Variants in USP8 observed in about 807,000 individuals in gnomAD.
USP8 encodes the protein ubiquitin carboxyl-terminal hydrolase 8.
In USP8, 27 loss-of-function variants were observed where a neutral mutation model predicts 130.0. The observed-to-expected ratio is 0.21, with a 90% CI of 0.15 to 0.29. USP8 has a LOEUF of 0.29. USP8 is among the 10% of genes least tolerant of loss of function. USP8 has a pLI of 1.00. For synonymous variants in USP8, 392 were observed against 444.1 expected, an observed-to-expected ratio of 0.88 and a Z score of 1.48; for missense variants, 1,029 against 1,312.2, an observed-to-expected ratio of 0.78 and a Z score of 3.33.
intron 1 of USP8, 166 bp downstream of exon 1, chr15:50,424,680 G>A (rs551897722): frequency 2.5e-6 from 1 of 395,042 alleles, no homozygotes. Context: ...GGAGAGGAAA[G>A]GCCCAACCTT....
At chr15:50,437,977 T>G (rs1254375542) in intron 1 of USP8, among the ~76,000 whole-genome samples, 1 of 152,078 alleles carries the variant, frequency 6.6e-6, no homozygotes, top group Non-Finnish European at 1.5e-5. Context: ...CTGGAGCAAG[T>G]ATAGATAGAA....
intron 12 of USP8, among the ~76,000 whole-genome samples, chr15:50,485,094 A>G (rs1398917297): frequency 6.6e-6 from 1 of 152,164 alleles, no homozygotes; most frequent in Non-Finnish European, 1.5e-5. Context: ...TAACCAGTGC[A>G]CCTAAAAATG....
At chr15:50,496,896 C>T in intron 17 of USP8, 193 bp from the exon 18 acceptor site, 1 of 627,048 alleles carries the variant, frequency 1.6e-6, no homozygotes, top group Non-Finnish European at 2.6e-6. Flanking sequence ...GTAGCACTCA[C>T]CACACTCTGT....
At chr15:50,475,101 T>TC (rs1230207436) in intron 8 of USP8, among the ~76,000 whole-genome samples, 1 of 151,814 alleles carries the variant, frequency 6.6e-6, no homozygotes, top group East Asian at 1.9e-4. Flanking sequence ...AGAACAAAAG[T>TC]CCATCTCAAA....
intron 13 of USP8, 126 bp from the exon 14 acceptor site, chr15:50,490,137 C>T (rs918316664): frequency 1.5e-5 from 16 of 1,103,280 alleles, no homozygotes; most frequent in African/African-American, 1.3e-4. Flanking sequence ...TGAAGTTTAT[C>T]GCCATTTTAT....
intron 1 of USP8, among the ~76,000 whole-genome samples, chr15:50,430,863 G>A (rs1309296098): frequency 1.3e-5 from 2 of 152,122 alleles, no homozygotes; most frequent in Non-Finnish European, 2.9e-5. Flanking sequence ...TTCTTGTTGG[G>A]GGTAATTTTG....
chr15:50,484,428 T>C, intron 12 of USP8, 67 bp downstream of exon 12: 1 of 1,232,396 alleles, frequency 8.1e-7, no homozygotes. Context: ...TATGTGATTA[T>C]CTTACCACAC....
intron 11 of USP8, among the ~76,000 whole-genome samples, chr15:50,483,797 A>G (rs1482228611): frequency 6.6e-6 from 1 of 151,568 alleles, no homozygotes; most frequent in Admixed American, 6.6e-5. Flanking sequence ...CGGTCTCCAA[A>G]AAAAAAAAAA....
chr15:50,502,331 G>T lies in USP8; in HGVS notation c.*3243G>T, dbSNP rs1011118338. 1 of 151,836 alleles carries T rather than the reference G, an allele frequency of 6.6e-6. No individual in the cohort carries two copies. Among genetic ancestry groups the T allele is most frequent in the Non-Finnish European group, 1.5e-5 (1 of 68,078 alleles). The allele number at this position is 151,836 out of a possible 1,614,324, so 9.4% of individuals were successfully genotyped here. A position where few individuals can be genotyped will look rare whatever the true frequency, so the allele number is the denominator to read the frequency against. ...TCACTGTGTTAGCCAGGATGGTCTC[G>T]ATCTCGACCTCGGGATCCTCCCACT... On this transcript the variant is annotated 3_prime_UTR_variant, in exon 20 of 20. Coordinates refer to ENST00000307179, the MANE Select transcript of USP8 (RefSeq NM_005154.5).
chr15:50,469,282 ATTATTT>A (rs1435652129), intron 7 of USP8, among the ~76,000 whole-genome samples: 1 of 151,896 alleles, frequency 6.6e-6, no homozygotes, highest in African/African-American at 2.4e-5. Flanking sequence ...TAAGTAAAAA[ATTATTT>A]TTAATTAAAT....
intron 1 of USP8, among the ~76,000 whole-genome samples, chr15:50,430,747 C>T (rs1365903664): frequency 6.6e-6 from 1 of 152,166 alleles, no homozygotes; most frequent in Non-Finnish European, 1.5e-5. Context: ...TCTGTCTGCT[C>T]TCACATATAA....
chr15:50,426,133 A>C (rs1294158710), intron 1 of USP8, among the ~76,000 whole-genome samples: 2 of 152,338 alleles, frequency 1.3e-5, no homozygotes, highest in Admixed American at 1.3e-4. Context: ...AAAAATAAAA[A>C]ATAAAAAGCG....
intron 5 of USP8, among the ~76,000 whole-genome samples, chr15:50,460,839 G>A (rs1418960859): frequency 6.6e-6 from 1 of 152,006 alleles, no homozygotes; most frequent in African/African-American, 2.4e-5. Context: ...ATCATTCTGT[G>A]TGGATCATCA....
chr15:50,476,705 G>T, intron 8 of USP8, 144 bp from the exon 9 acceptor site: 2 of 858,706 alleles, frequency 2.3e-6, no homozygotes, highest in South Asian at 2.7e-5. Flanking sequence ...ATTTAATGTT[G>T]AATTTTGAAT....
chr15:50,433,752 C>T (rs1328159323), intron 1 of USP8, among the ~76,000 whole-genome samples: 1 of 151,690 alleles, frequency 6.6e-6, no homozygotes, highest in Non-Finnish European at 1.5e-5. Flanking sequence ...ACTACAGGTG[C>T]CCGCCACCGT....
intron 3 of USP8, among the ~76,000 whole-genome samples, chr15:50,446,754 T>C (rs1466488753): frequency 6.6e-6 from 1 of 152,244 alleles, no homozygotes; most frequent in African/African-American, 2.4e-5. Context: ...TAGATAGACA[T>C]ATGATAACTC....
chr15:50,430,804 C>A (rs1567593813), intron 1 of USP8, among the ~76,000 whole-genome samples: 2 of 152,190 alleles, frequency 1.3e-5, no homozygotes, highest in East Asian at 3.8e-4. Context: ...CTTTGGCATA[C>A]ACTCAACATT....
At position 50,441,416 on chromosome 15, in the gene USP8, A is replaced by C; in HGVS notation, c.172A>C (p.Arg58=). The C allele has an allele frequency of 5.6e-6, 9 of 1,610,772 alleles. No homozygotes were observed. Among genetic ancestry groups the C allele is most frequent in the Non-Finnish European group, 7.6e-6 (9 of 1,179,334 alleles). ...ATGCAGATTAGATCGTGATGAGGAAAGGGCCTATGTACTATATATGAAATA... is the reference window on the plus strand; with the variant it reads ...ATGCAGATTAGATCGTGATGAGGAACGGGCCTATGTACTATATATGAAATA... ...EECRLDRDEE[R]AYVLYMKYVT... The change falls in exon 3 of 20, where the codon AGG becomes CGG. Residue 58 remains arginine, a synonymous_variant. Coordinates refer to ENST00000307179, the MANE Select transcript of USP8 (RefSeq NM_005154.5).
chr15:50,430,017 G>A (rs1264910632), intron 1 of USP8, among the ~76,000 whole-genome samples: 1 of 152,176 alleles, frequency 6.6e-6, no homozygotes, highest in African/African-American at 2.4e-5. Flanking sequence ...CATTGGCCTG[G>A]TTTGCTAAGT....
Sources: gnomAD v4.1 joint callset for allele counts (sites outside exome capture counted in the v4.1 genomes callset) on GRCh38, gnomAD v4.1.1 for gene constraint, MANE v1.5 for transcripts, NCBI Gene and HGNC (gene_info 2026-07-23, HGNC 2026-07-21) for gene names.